The following LRP1B variants were observed in gnomAD, a reference collection of about 807,000 sequenced individuals.
LRP1B encodes low-density lipoprotein receptor-related protein 1B.
LRP1B carries 217 observed loss-of-function variants against 556.6 expected under a neutral mutation model. That is an observed-to-expected ratio of 0.39 (90% confidence interval 0.35 to 0.44). The LOEUF is 0.44. Ranked by LOEUF, LRP1B falls within the 20% of genes least tolerant of loss-of-function variation. The pLI, the probability that LRP1B is intolerant of heterozygous loss-of-function variation, is 1.00. For missense variants in LRP1B, 5,053 were observed against 5,620.8 expected (o/e 0.90, Z 3.23); for synonymous variants, 2,047 against 1,865.8 (o/e 1.10, Z -2.50).
intron 35 of LRP1B, among the ~76,000 whole-genome samples, chr2:140,754,101 A>T (rs1688668362): frequency 6.6e-6 from 1 of 152,204 alleles, no homozygotes; most frequent in Non-Finnish European, 1.5e-5. Context: ...AAGAATGGAG[A>T]ACATCAAACC....
chr2:141,489,146 T>C (rs1168328546), intron 2 of LRP1B, among the ~76,000 whole-genome samples: 3 of 103,680 alleles, frequency 2.9e-5, no homozygotes, highest in Non-Finnish European at 5.6e-5. Flanking sequence ...TTTTTGTGAG[T>C]GGGGACTGGG....
chr2:141,366,680 C>A (rs753471822), intron 3 of LRP1B, among the ~76,000 whole-genome samples: 2 of 152,130 alleles, frequency 1.3e-5, no homozygotes, highest in Non-Finnish European at 2.9e-5. Context: ...ACAAATTTAG[C>A]CATTCTTAAG....
chr2:141,360,166 G>T (rs2105562564), intron 3 of LRP1B, among the ~76,000 whole-genome samples: 1 of 152,256 alleles, frequency 6.6e-6, no homozygotes, highest in East Asian at 1.9e-4. Context: ...GCCGTAATAG[G>T]CAAGGATTTA....
chr2:141,436,468 G>A (rs564852687), intron 3 of LRP1B, among the ~76,000 whole-genome samples: 3 of 152,218 alleles, frequency 2.0e-5, no homozygotes, highest in African/African-American at 7.2e-5. Flanking sequence ...TCATTCAGTA[G>A]GTTTCCTTGA....
At chr2:141,134,587 A>G (rs1433576798) in intron 7 of LRP1B, among the ~76,000 whole-genome samples, 3 of 151,856 alleles carry the variant, frequency 2.0e-5, no homozygotes, top group Non-Finnish European at 4.4e-5. Flanking sequence ...TAATGGGTTT[A>G]CCAAGCCCAG....
At chr2:140,314,832 TCATTAAGATATTAGGAAGTATATTTGTAA>T in intron 83 of LRP1B, 74 bp downstream of exon 83, 2 of 754,362 alleles carry the variant, frequency 2.7e-6, no homozygotes, top group South Asian at 4.6e-5. Flanking sequence ...AGTCTATTGT[TCATTAAGATATTAGGAAGTATATTTGTAA>T]CATTAAGCAT....
At chr2:141,425,436 G>C (rs1444344777) in intron 3 of LRP1B, among the ~76,000 whole-genome samples, 1 of 151,166 alleles carries the variant, frequency 6.6e-6, no homozygotes, top group Non-Finnish European at 1.5e-5. Context: ...TATATACCCA[G>C]TAATGGGATG....
intron 83 of LRP1B, among the ~76,000 whole-genome samples, chr2:140,303,317 G>A (rs1004097483): frequency 2.0e-5 from 3 of 151,792 alleles, no homozygotes; most frequent in South Asian, 2.1e-4. Context: ...GCACAGTCTT[G>A]GCTCACTGCA....
chr2:141,020,215 G>C, intron 11 of LRP1B, 113 bp from the exon 12 acceptor site: 1 of 592,856 alleles, frequency 1.7e-6, no homozygotes, highest in South Asian at 4.7e-5. Flanking sequence ...AAAGAACTCT[G>C]ATCCATGAAA....
At chr2:141,243,983 A>C (rs1295167557) in intron 5 of LRP1B, among the ~76,000 whole-genome samples, 2 of 152,210 alleles carry the variant, frequency 1.3e-5, no homozygotes, top group Non-Finnish European at 2.9e-5. Context: ...CAAAGGAGGA[A>C]TAATCAATTA....
chr2:141,591,368 T>G (rs796329644), intron 2 of LRP1B, among the ~76,000 whole-genome samples: 15 of 150,848 alleles, frequency 9.9e-5, no homozygotes, highest in South Asian at 4.2e-4. Flanking sequence ...TGTTTGTTTT[T>G]TTTTTTTTCC....
intron 3 of LRP1B, among the ~76,000 whole-genome samples, chr2:141,383,247 C>CTA (rs1689706631): frequency 1.3e-5 from 2 of 152,030 alleles, no homozygotes; most frequent in African/African-American, 4.8e-5. Context: ...ATAAACCCTC[C>CTA]TATACTGTTG....
intron 6 of LRP1B, among the ~76,000 whole-genome samples, chr2:141,220,884 A>G (rs1235102341): frequency 6.6e-6 from 1 of 152,138 alleles, no homozygotes; most frequent in African/African-American, 2.4e-5. Context: ...GAGGGAATTC[A>G]TTACCACCAG....
chr2:140,591,517 T>C (rs986488354), intron 43 of LRP1B, among the ~76,000 whole-genome samples: 1 of 152,216 alleles, frequency 6.6e-6, no homozygotes, highest in Non-Finnish European at 1.5e-5. Flanking sequence ...ACCCATCTTA[T>C]TGGCTCTCAA....
intron 1 of LRP1B, among the ~76,000 whole-genome samples, chr2:141,900,146 T>G (rs1169628156): frequency 6.6e-6 from 1 of 152,098 alleles, no homozygotes. Context: ...ATTATATACA[T>G]TGTTAAAATA....
chr2:140,755,304 T>C (rs288109), intron 35 of LRP1B, among the ~76,000 whole-genome samples: 49,948 of 151,832 alleles, frequency 0.33, 8,356 homozygotes, highest in South Asian at 0.4. Context: ...CACTTCTTAA[T>C]TCATTCTATG....
At chr2:140,434,763 G>A (rs1174710036) in intron 66 of LRP1B, among the ~76,000 whole-genome samples, 1 of 152,064 alleles carries the variant, frequency 6.6e-6, no homozygotes, top group Admixed American at 6.6e-5. Context: ...AGATCACAAA[G>A]CCAATAAATG....
intron 41 of LRP1B, among the ~76,000 whole-genome samples, chr2:140,667,551 C>CACA (rs1340642326): frequency 5.3e-5 from 8 of 152,180 alleles, no homozygotes; most frequent in Non-Finnish European, 8.8e-5. Context: ...CTCTACAGAC[C>CACA]ACAGTATCTT....
chr2:140,502,896 C>T, intron 54 of LRP1B, 67 bp downstream of exon 54: 3 of 1,533,018 alleles, frequency 2.0e-6, no homozygotes, highest in African/African-American at 2.7e-5. Context: ...CTATACTAGA[C>T]AGAAAATCAC....
Sources: allele counts gnomAD v4.1 joint callset (sites outside exome capture counted in the v4.1 genomes callset), GRCh38; gene constraint gnomAD v4.1.1; transcripts MANE v1.5; gene names NCBI Gene and HGNC (gene_info 2026-07-23, HGNC 2026-07-21).